The following FRMD6 variants were observed in gnomAD, a reference collection of about 807,000 sequenced individuals.
FRMD6 encodes the protein FERM domain-containing protein 6.
Under a neutral mutation model 73.2 loss-of-function variants are expected in FRMD6, and 37 were observed. That is an observed-to-expected ratio of 0.51 (90% CI 0.39 to 0.66). FRMD6 has a LOEUF of 0.66. Ranked by LOEUF, FRMD6 falls within the 30% of genes least tolerant of loss-of-function variation. FRMD6 has a pLI of 0.00. For missense variants in FRMD6, 714 were observed against 780.5 expected, an observed-to-expected ratio of 0.91 and a Z score of 1.02; for synonymous variants, 273 against 282.2, an observed-to-expected ratio of 0.97 and a Z score of 0.33.
chr14:51,635,999 ATACAAACC>A (rs1468316901), intron 2 of FRMD6, among the ~76,000 whole-genome samples: 1 of 152,236 alleles, frequency 6.6e-6, no homozygotes, highest in African/African-American at 2.4e-5. Context: ...GGACAGGTCT[ATACAAACC>A]TACTCCCAAA....
At chr14:51,677,272 C>T (rs1013685908) in intron 1 of FRMD6, among the ~76,000 whole-genome samples, 14 of 152,146 alleles carry the variant, frequency 9.2e-5, no homozygotes, top group African/African-American at 3.1e-4. Context: ...GCATTATGCT[C>T]TCTTTGGGAA....
At chr14:51,434,647 G>A in the FRMD6 span, among the ~76,000 whole-genome samples, 3 of 151,896 alleles carry the variant, frequency 2.0e-5, no homozygotes, top group African/African-American at 7.3e-5. Flanking sequence ...TTATTCTTAG[G>A]CAAATAGCAA....
chr14:51,721,619 GAGAA>G (rs1480729351), intron 11 of FRMD6, among the ~76,000 whole-genome samples: 9 of 109,128 alleles, frequency 8.2e-5, no homozygotes, highest in South Asian at 7.4e-4. Context: ...GAAAGAAATT[GAGAA>G]AGAAAGAGAG....
chr14:51,646,210 C>T (rs561303981), intron 2 of FRMD6, among the ~76,000 whole-genome samples: 4 of 148,952 alleles, frequency 2.7e-5, no homozygotes, highest in African/African-American at 9.9e-5. Flanking sequence ...CTCGGCTACT[C>T]GGGAGGCTGA....
chr14:51,533,679 A>C (rs911189542), intron 1 of FRMD6, among the ~76,000 whole-genome samples: 1 of 152,194 alleles, frequency 6.6e-6, no homozygotes, highest in African/African-American at 2.4e-5. Flanking sequence ...CCTATCAATA[A>C]ATGTAAAAAA....
the FRMD6 span, among the ~76,000 whole-genome samples, chr14:51,426,052 G>T: frequency 6.6e-6 from 1 of 151,994 alleles, no homozygotes; most frequent in South Asian, 2.1e-4. Flanking sequence ...TCTCATAATT[G>T]TTAACAATCT....
At chr14:51,537,588 G>C (rs996925224) in intron 1 of FRMD6, among the ~76,000 whole-genome samples, 2 of 152,214 alleles carry the variant, frequency 1.3e-5, no homozygotes, top group African/African-American at 4.8e-5. Context: ...CAGCCAAACT[G>C]TCTTCCAAAG....
At chr14:51,697,826 T>C (rs144627380) in intron 2 of FRMD6, among the ~76,000 whole-genome samples, 5 of 152,268 alleles carry the variant, frequency 3.3e-5, no homozygotes, top group African/African-American at 1.2e-4. Context: ...TTTTTAGTAA[T>C]CTGAGTAGGC....
intron 1 of FRMD6, among the ~76,000 whole-genome samples, chr14:51,688,096 G>T (rs1305870244): frequency 1.3e-5 from 2 of 151,450 alleles, no homozygotes; most frequent in Admixed American, 6.6e-5. Flanking sequence ...CTTTGGAATT[G>T]TTGAAGGAAA....
At chr14:51,431,002 CTG>C in the FRMD6 span, among the ~76,000 whole-genome samples, 7 of 151,966 alleles carry the variant, frequency 4.6e-5, no homozygotes, top group South Asian at 2.1e-4. Flanking sequence ...GTGCAGAAGA[CTG>C]TGTGTGTGTG....
At chr14:51,498,093 G>A (rs1383360691) in intron 1 of FRMD6, among the ~76,000 whole-genome samples, 1 of 152,150 alleles carries the variant, frequency 6.6e-6, no homozygotes, top group Non-Finnish European at 1.5e-5. Flanking sequence ...TGTTGTGCTT[G>A]CAAACTAAAT....
At chr14:51,690,922 C>G (rs1895521347) in intron 2 of FRMD6, among the ~76,000 whole-genome samples, 1 of 152,124 alleles carries the variant, frequency 6.6e-6, no homozygotes. Context: ...ATGTGTGCAG[C>G]TCAATGAATG....
chr14:51,556,723 T>C (rs755224821), intron 1 of FRMD6, among the ~76,000 whole-genome samples: 9 of 152,210 alleles, frequency 5.9e-5, no homozygotes, highest in Non-Finnish European at 8.8e-5. Flanking sequence ...ACATCCTATC[T>C]GCAATATAGT....
chr14:51,439,137 T>C, the FRMD6 span, among the ~76,000 whole-genome samples: 1 of 152,208 alleles, frequency 6.6e-6, no homozygotes, highest in Non-Finnish European at 1.5e-5. Flanking sequence ...TCTGGTGAAA[T>C]TCAAAGCTTT....
chr14:51,599,056 G>GTTTTTTTTTTTT (rs778270230), intron 2 of FRMD6, among the ~76,000 whole-genome samples: 3 of 69,562 alleles, frequency 4.3e-5, no homozygotes, highest in African/African-American at 2.1e-4. Flanking sequence ...GCCAGTATCT[G>GTTTTTTTTTTTT]TCTTTTTTTT....
intron 2 of FRMD6, among the ~76,000 whole-genome samples, chr14:51,627,729 C>T (rs992140438): frequency 7.2e-5 from 11 of 152,140 alleles, no homozygotes; most frequent in Admixed American, 5.9e-4. Context: ...TCCTGTTACC[C>T]GACCTGCTTC....
At chr14:51,454,434 C>T in the FRMD6 span, 1 of 152,170 alleles carries the variant, frequency 6.6e-6, no homozygotes, top group East Asian at 1.9e-4. Flanking sequence ...ATGAAGAGGA[C>T]TGAGCTCTTC....
chr14:51,573,017 C>A (rs7144382), intron 2 of FRMD6, among the ~76,000 whole-genome samples: 1 of 152,196 alleles, frequency 6.6e-6, no homozygotes, highest in Admixed American at 6.5e-5. Context: ...CACCCTACCC[C>A]CACACACAAA....
At chr14:51,451,339 C>G in the FRMD6 span, among the ~76,000 whole-genome samples, 1 of 152,150 alleles carries the variant, frequency 6.6e-6, no homozygotes, top group African/African-American at 2.4e-5. Context: ...GGGCTTTGTG[C>G]CATCCCAGCA....
Sources: allele counts gnomAD v4.1 joint callset (sites outside exome capture counted in the v4.1 genomes callset), GRCh38; gene constraint gnomAD v4.1.1; transcripts MANE v1.5; gene names NCBI Gene and HGNC (gene_info 2026-07-23, HGNC 2026-07-21).